Variants in SCGB2B2 observed in about 807,000 individuals in gnomAD.
SCGB2B2 encodes the protein secretoglobin-like protein.
In SCGB2B2, 11 loss-of-function variants were observed where a neutral mutation model predicts 7.6. The ratio of observed to expected loss-of-function variants is 1.45; its 90% confidence interval spans 0.91 to 2.40. The LOEUF (loss-of-function observed/expected upper bound fraction) is 2.40, where lower values mean the gene tolerates loss of function less well. Among genes scored for constraint, SCGB2B2 ranks in the 30% most tolerant of loss-of-function variants. SCGB2B2 has a pLI of 0.00. For synonymous variants in SCGB2B2, 50 were observed against 48.6 expected, an observed-to-expected ratio of 1.03 and a Z score of -0.12; for missense variants, 104 against 115.4, an observed-to-expected ratio of 0.90 and a Z score of 0.45.
chr19:34,634,588 C>T (rs1257042037), intron 1 of SCGB2B2, among the ~76,000 whole-genome samples: 8 of 152,190 alleles, frequency 5.3e-5, no homozygotes, highest in Non-Finnish European at 8.8e-5. Flanking sequence ...GTGTCACCCA[C>T]TATGTGGACC....
At chr19:34,610,473 G>T (rs1600045100) in intron 1 of SCGB2B2, among the ~76,000 whole-genome samples, 1 of 152,098 alleles carries the variant, frequency 6.6e-6, no homozygotes, top group Admixed American at 6.5e-5. Context: ...ATTATGTTGG[G>T]GTACATTCTT....
At chr19:34,612,814 TG>T (rs1228613390) in intron 1 of SCGB2B2, among the ~76,000 whole-genome samples, 1 of 152,204 alleles carries the variant, frequency 6.6e-6, no homozygotes, top group Non-Finnish European at 1.5e-5. Context: ...CTAATAATAT[TG>T]GTTTTATATT....
intron 1 of SCGB2B2, among the ~76,000 whole-genome samples, chr19:34,626,497 A>G (rs1294412585): frequency 1.3e-5 from 2 of 152,248 alleles, no homozygotes; most frequent in African/African-American, 4.8e-5. Context: ...CAACTGGAAG[A>G]AAGGGTATCA....
rs1028683888 is a variant in SCGB2B2 at position 34,662,295 on chromosome 19, A to C, written c.-2032+13335T>G. Among the ~76,000 whole-genome samples the C allele has an allele frequency of 5.3e-5, 8 of 152,274 alleles. No individual in the cohort carries two copies. The East Asian group carries it at 9.6e-4, about 18-fold the overall frequency. On this transcript the variant is annotated intron_variant, in intron 1 of 3. Transcript: ENST00000601241. Reference sequence around the variant, plus strand: ...ACTGGGACAGCAGGGAATCTATATAATTAAAAAGAAAGGGAGTTCTTACCC... The same window carrying C: ...ACTGGGACAGCAGGGAATCTATATACTTAAAAAGAAAGGGAGTTCTTACCC...
At chr19:34,628,590 AC>A (rs1355673154) in intron 1 of SCGB2B2, among the ~76,000 whole-genome samples, 6 of 152,050 alleles carry the variant, frequency 3.9e-5, no homozygotes, top group African/African-American at 1.2e-4. Flanking sequence ...CCCTGAATAG[AC>A]CAATAACAGG....
chr19:34,608,398 T>C (rs1433547256), intron 1 of SCGB2B2, among the ~76,000 whole-genome samples: 1 of 151,136 alleles, frequency 6.6e-6, no homozygotes, highest in East Asian at 1.9e-4. Context: ...TAGAACTTAT[T>C]CCTCCTATCT....
intron 1 of SCGB2B2, among the ~76,000 whole-genome samples, chr19:34,652,928 A>C (rs2146086044): frequency 6.6e-6 from 1 of 151,598 alleles, no homozygotes; most frequent in Admixed American, 6.5e-5. Flanking sequence ...AGCACTGTTC[A>C]CAATGGACAA....
At chr19:34,620,163 T>C (rs1382826923) in intron 1 of SCGB2B2, among the ~76,000 whole-genome samples, 1 of 152,158 alleles carries the variant, frequency 6.6e-6, no homozygotes, top group Admixed American at 6.5e-5. Flanking sequence ...CTTTTCTTAA[T>C]TGGAAATGAC....
In SCGB2B2 at chr19:34,596,394, GGCC is replaced by G. The variant is rs1568427609; in HGVS notation, c.-1834_-1832del. The stretch of plus-strand genomic sequence containing the variant: ...TGCTGAGACTCTCAGCCGGCTCTGT[GGCC>G]TGTCATGTTGTGTGTGCGGGACGAG... On this transcript the variant is annotated 5_prime_UTR_variant, in exon 2 of 4. Coordinates refer to ENST00000601241, the MANE Select transcript of SCGB2B2 (RefSeq NM_001025591.4). 2.4e-4 allele frequency: 37 copies of G among 152,708 alleles called. No homozygotes were observed. The highest frequency in any genetic ancestry group is 8.7e-4 in the African/African-American group (36 of 41,466). 9.5% of individuals were successfully genotyped at this position (152,708 alleles called of 1,614,324 possible). A position where few individuals can be genotyped will look rare whatever the true frequency, so the allele number is the denominator to read the frequency against.
intron 1 of SCGB2B2, among the ~76,000 whole-genome samples, chr19:34,656,727 T>A (rs529934658): frequency 1.3e-5 from 2 of 151,472 alleles, no homozygotes; most frequent in South Asian, 4.1e-4. Context: ...TCAAAAGCTA[T>A]CCTTTAGAAT....
rs1312599201 is a variant in SCGB2B2, at chr19:34,676,130, ATTTTACAGAGTGCTGTTTGGTCCGT to A, written c.-2557_-2533del. On this transcript the variant is annotated 5_prime_UTR_variant, in exon 1 of 4. The change abolishes the stop of an existing upstream ORF in the 5' untranslated region. Transcript: ENST00000601241. ...CATTTTACAGAGCGCTGATTGGTCT[ATTTTACAGAGTGCTGTTTGGTCCGT>A]TTTTACAGAGTGCTGACTGGTGCAT... 6.6e-6 allele frequency: 1 copy of A among 152,126 alleles called. No homozygotes were observed. The highest frequency in any genetic ancestry group is 2.4e-5 in the African/African-American group (1 of 41,406). The allele number at this position is 152,126 out of a possible 1,614,324, so 9.4% of individuals were successfully genotyped here. A position where few individuals can be genotyped will look rare whatever the true frequency, so the allele number is the denominator to read the frequency against.
At chr19:34,597,343 C>T (rs1363449065) in intron 1 of SCGB2B2, among the ~76,000 whole-genome samples, 1 of 149,618 alleles carries the variant, frequency 6.7e-6, no homozygotes, top group African/African-American at 2.5e-5. Flanking sequence ...ACTTTCTATG[C>T]CAGGGCCAGG....
chr19:34,642,888 T>C (rs2066886580), intron 1 of SCGB2B2, among the ~76,000 whole-genome samples: 1 of 152,102 alleles, frequency 6.6e-6, no homozygotes, highest in East Asian at 1.9e-4. Context: ...GAATGGCTGT[T>C]ATTAAAAGGA....
At chr19:34,627,514 CAAAG>C (rs936990750) in intron 1 of SCGB2B2, among the ~76,000 whole-genome samples, 3 of 152,230 alleles carry the variant, frequency 2.0e-5, no homozygotes, top group East Asian at 3.9e-4. Context: ...TCAAAAGAGA[CAAAG>C]AAGGCCATTA....
chr19:34,606,555 T>C (rs1377523593), intron 1 of SCGB2B2, among the ~76,000 whole-genome samples: 3 of 151,316 alleles, frequency 2.0e-5, no homozygotes, highest in Non-Finnish European at 4.4e-5. Context: ...ACTTAAGATA[T>C]AAATTTTTAT....
intron 1 of SCGB2B2, among the ~76,000 whole-genome samples, chr19:34,674,416 T>C (rs16969641): frequency 0.016 from 2,413 of 152,348 alleles, 42 homozygotes; most frequent in South Asian, 0.084. Context: ...TTGAAGAATT[T>C]GGAAATAAAC....
intron 1 of SCGB2B2, among the ~76,000 whole-genome samples, chr19:34,610,739 T>C (rs1455368992): frequency 6.6e-6 from 1 of 151,772 alleles, no homozygotes; most frequent in Non-Finnish European, 1.5e-5. Context: ...GATGTTTGTA[T>C]CTATGTTTAT....
chr19:34,626,254 C>A (rs756479865), intron 1 of SCGB2B2, among the ~76,000 whole-genome samples: 1 of 152,154 alleles, frequency 6.6e-6, no homozygotes, highest in Non-Finnish European at 1.5e-5. Context: ...CAAAGATGGA[C>A]GGAGAGTGAC....
At chr19:34,605,049 T>C (rs2145804050) in intron 1 of SCGB2B2, among the ~76,000 whole-genome samples, 1 of 152,332 alleles carries the variant, frequency 6.6e-6, no homozygotes, top group African/African-American at 2.4e-5. Flanking sequence ...CCTTCCTTCT[T>C]TCTAGGCAAC....
Sources: gnomAD v4.1 joint callset for allele counts (sites outside exome capture counted in the v4.1 genomes callset) on GRCh38, gnomAD v4.1.1 for gene constraint, MANE v1.5 for transcripts, NCBI Gene and HGNC (gene_info 2026-07-23, HGNC 2026-07-21) for gene names.